Variants in CCSER1 observed in about 807,000 individuals in gnomAD.
CCSER1 encodes serine-rich coiled-coil domain-containing protein 1.
A neutral mutation model predicts 82.0 loss-of-function variants in CCSER1; 41 were observed. That is an observed-to-expected ratio of 0.50 (90% confidence interval 0.39 to 0.65). CCSER1 has a LOEUF of 0.65. CCSER1 is among the 30% of genes least tolerant of loss of function. The pLI, the probability that CCSER1 is intolerant of heterozygous loss-of-function variation, is 0.00. For synonymous variants in CCSER1, 414 were observed against 383.9 expected (o/e 1.08, Z -0.92); for missense variants, 1,119 against 1,064.2 (o/e 1.05, Z -0.72).
intron 10 of CCSER1, among the ~76,000 whole-genome samples, chr4:91,378,999 T>C (rs1750659770): frequency 6.6e-6 from 1 of 152,336 alleles, no homozygotes; most frequent in South Asian, 2.1e-4. Flanking sequence ...TCTGCATCTA[T>C]TGAGATAATC....
intron 3 of CCSER1, among the ~76,000 whole-genome samples, chr4:90,387,953 A>G (rs1750322924): frequency 6.6e-6 from 1 of 152,144 alleles, no homozygotes; most frequent in South Asian, 2.1e-4. Context: ...GAATCCTGCA[A>G]TCTTGCTGTT....
chr4:90,948,943 A>G (rs1732585490), intron 9 of CCSER1, among the ~76,000 whole-genome samples: 1 of 152,064 alleles, frequency 6.6e-6, no homozygotes, highest in African/African-American at 2.4e-5. Flanking sequence ...TGTAGGCATA[A>G]TCACAATACT....
intron 10 of CCSER1, among the ~76,000 whole-genome samples, chr4:91,098,474 T>G (rs538155661): frequency 6.6e-6 from 1 of 152,276 alleles, no homozygotes; most frequent in East Asian, 1.9e-4. Flanking sequence ...TCAGACTACT[T>G]TAGGACTAGG....
chr4:91,142,029 G>A (rs1369555203), intron 10 of CCSER1, among the ~76,000 whole-genome samples: 1 of 152,114 alleles, frequency 6.6e-6, no homozygotes, highest in Non-Finnish European at 1.5e-5. Context: ...CAAAATTTGT[G>A]AATATTTTCT....
At chr4:91,141,620 T>C (rs1729040132) in intron 10 of CCSER1, among the ~76,000 whole-genome samples, 1 of 152,100 alleles carries the variant, frequency 6.6e-6, no homozygotes, top group Non-Finnish European at 1.5e-5. Flanking sequence ...GTAGAACAAT[T>C]TTTTTTTCCT....
At chr4:90,604,425 G>A (rs2148774288) in intron 5 of CCSER1, among the ~76,000 whole-genome samples, 1 of 152,218 alleles carries the variant, frequency 6.6e-6, no homozygotes, top group South Asian at 2.1e-4. Context: ...TTACTTTTGA[G>A]CAATTCAATT....
intron 9 of CCSER1, among the ~76,000 whole-genome samples, chr4:90,981,209 C>A (rs1302617391): frequency 1.3e-5 from 2 of 151,800 alleles, no homozygotes; most frequent in Admixed American, 1.3e-4. Context: ...TTTGACAATG[C>A]AAACTTTATT....
At chr4:90,607,576 G>C (rs1784897321) in intron 5 of CCSER1, among the ~76,000 whole-genome samples, 1 of 152,000 alleles carries the variant, frequency 6.6e-6, no homozygotes, top group Non-Finnish European at 1.5e-5. Context: ...ATTTTCACAT[G>C]GTGTTCTCCC....
intron 10 of CCSER1, among the ~76,000 whole-genome samples, chr4:91,541,927 G>T (rs1019305139): frequency 2.6e-5 from 4 of 152,142 alleles, no homozygotes; most frequent in Non-Finnish European, 4.4e-5. Context: ...ATTCTAAATG[G>T]TGTGAGATGT....
At chr4:91,286,392 A>G (rs10516889) in intron 10 of CCSER1, among the ~76,000 whole-genome samples, 4,061 of 151,918 alleles carry the variant, frequency 0.027, 208 homozygotes, top group East Asian at 0.22. Flanking sequence ...AAGTTGGATA[A>G]TGTGGAGTCT....
chr4:90,613,036 G>T (rs1284483568), intron 5 of CCSER1, among the ~76,000 whole-genome samples: 1 of 152,030 alleles, frequency 6.6e-6, no homozygotes, highest in Non-Finnish European at 1.5e-5. Context: ...GATCACAAAG[G>T]GGCATGACAG....
intron 5 of CCSER1, among the ~76,000 whole-genome samples, chr4:90,583,757 A>G (rs1254591525): frequency 6.6e-6 from 1 of 151,584 alleles, no homozygotes; most frequent in Non-Finnish European, 1.5e-5. Flanking sequence ...GCTAAAAACA[A>G]GAGGTTAAAA....
rs1760504093 is a variant in CCSER1, at chr4:90,826,672, T to C, written c.2094+10827T>C. 2.0e-5 allele frequency among the ~76,000 whole-genome samples: 3 copies of C among 152,314 alleles called. No individual in the cohort carries two copies. In the South Asian group the frequency reaches 6.2e-4, roughly 32 times the overall value. Reference sequence around the variant, plus strand: ...TTAATTCTGCATAATACATGACAGTTAAGATTGAGAGGAAAATCTGTCTGA... The same window carrying C: ...TTAATTCTGCATAATACATGACAGTCAAGATTGAGAGGAAAATCTGTCTGA... On this transcript the variant is annotated intron_variant, in intron 8 of 10. Coordinates refer to ENST00000509176, the MANE Select transcript of CCSER1 (RefSeq NM_001145065.2).
chr4:90,488,991 A>G (rs1767552217), intron 5 of CCSER1, among the ~76,000 whole-genome samples: 1 of 152,292 alleles, frequency 6.6e-6, no homozygotes, highest in East Asian at 1.9e-4. Flanking sequence ...ACTTCTCTAC[A>G]CAGAATCATA....
At chr4:90,908,017 A>C (rs890354360) in intron 8 of CCSER1, among the ~76,000 whole-genome samples, 1 of 152,116 alleles carries the variant, frequency 6.6e-6, no homozygotes, top group African/African-American at 2.4e-5. Context: ...ACAATAGAGT[A>C]TCTAGAGTGT....
At chr4:91,171,857 A>G (rs2149004283) in intron 10 of CCSER1, among the ~76,000 whole-genome samples, 1 of 152,264 alleles carries the variant, frequency 6.6e-6, no homozygotes, top group African/African-American at 2.4e-5. Flanking sequence ...TTTGAATAGG[A>G]CAGGTTTCAT....
At chr4:91,575,224 G>C (rs1467730029) in intron 10 of CCSER1, among the ~76,000 whole-genome samples, 1 of 151,872 alleles carries the variant, frequency 6.6e-6, no homozygotes, top group South Asian at 2.1e-4. Context: ...ATTTAAAATG[G>C]ATTAAAGATT....
chr4:91,390,493 G>T (rs1184049248), intron 10 of CCSER1, among the ~76,000 whole-genome samples: 1 of 151,788 alleles, frequency 6.6e-6, no homozygotes. Context: ...TCACTCTGTG[G>T]TTTTAGTTTT....
chr4:91,264,775 A>C (rs2149171316), intron 10 of CCSER1, among the ~76,000 whole-genome samples: 1 of 152,170 alleles, frequency 6.6e-6, no homozygotes. Flanking sequence ...TAGACTAAAA[A>C]GATTTCTTAA....
Sources: allele counts gnomAD v4.1 joint callset (sites outside exome capture counted in the v4.1 genomes callset), GRCh38; gene constraint gnomAD v4.1.1; transcripts MANE v1.5; gene names NCBI Gene and HGNC (gene_info 2026-07-23, HGNC 2026-07-21).